The following NHSL1 variants were observed in gnomAD, a reference collection of about 807,000 sequenced individuals.
The protein encoded by NHSL1 is NHS-like protein 1.
Under a neutral mutation model 95.0 loss-of-function variants are expected in NHSL1, and 48 were observed. The ratio of observed to expected loss-of-function variants is 0.51; its 90% CI spans 0.40 to 0.64. The LOEUF (loss-of-function observed/expected upper bound fraction) is 0.64. Among genes scored for constraint, NHSL1 ranks in the 30% least tolerant of loss-of-function variants. The pLI, the probability that NHSL1 is intolerant of heterozygous loss-of-function variation, is 0.00. For missense variants in NHSL1, 1,971 were observed against 2,077.7 expected (o/e 0.95, Z 1.00); for synonymous variants, 783 against 833.9 (o/e 0.94, Z 1.05).
intron 1 of NHSL1, among the ~76,000 whole-genome samples, chr6:138,689,897 C>G (rs1785638924): frequency 6.6e-6 from 1 of 152,160 alleles, no homozygotes; most frequent in African/African-American, 2.4e-5. Context: ...ATCCGCCCAC[C>G]TTGGTCTCCC....
chr6:138,581,730 A>G (rs1031558455), intron 1 of NHSL1, among the ~76,000 whole-genome samples: 1 of 151,338 alleles, frequency 6.6e-6, no homozygotes, highest in Non-Finnish European at 1.5e-5. Flanking sequence ...TCAGGAAAAA[A>G]AGTCAAAGCA....
chr6:138,422,471 C>T lies in NHSL1; in HGVS notation c.*1610G>A, dbSNP rs1774980102. 1.3e-5 allele frequency: 2 copies of T among 152,010 alleles called. No homozygotes were observed. The highest frequency in any genetic ancestry group is 1.3e-4 in the Admixed American group (2 of 15,242). The allele number at this position is 152,010 out of a possible 1,614,324, so 9.4% of individuals were successfully genotyped here. On this transcript the variant is annotated 3_prime_UTR_variant, in exon 8 of 8. Transcript: ENST00000343505. ...TCATAATGATTTGACCCATGCAGTC[C>T]AACTTTTAGATAGTATTTCCATACC...
intron 1 of NHSL1, among the ~76,000 whole-genome samples, chr6:138,605,986 G>C (rs1429603931): frequency 3.9e-5 from 6 of 152,184 alleles, no homozygotes; most frequent in Non-Finnish European, 7.4e-5. Flanking sequence ...TCAACTATAG[G>C]AATAACTGGA....
chr6:138,460,041 T>G (rs1777887996), intron 3 of NHSL1, among the ~76,000 whole-genome samples: 1 of 152,144 alleles, frequency 6.6e-6, no homozygotes, highest in Non-Finnish European at 1.5e-5. Flanking sequence ...CTTTGCCAGG[T>G]TTTGGCATCA....
Position 138,424,208 on chromosome 6 carries a change from A to T in NHSL1, c.4694T>A (p.Leu1565Gln). 1 of 1,500,070 alleles carries T rather than the reference A, an allele frequency of 6.7e-7. No individual in the cohort carries two copies. Among genetic ancestry groups the T allele is most frequent in the Non-Finnish European group, 8.9e-7 (1 of 1,127,298 alleles). 92.9% of individuals were successfully genotyped at this position (1,500,070 alleles called of 1,614,324 possible). A position where few individuals can be genotyped will look rare whatever the true frequency, so the allele number is the denominator to read the frequency against. The change falls in exon 8 of 8, where the codon CTG becomes CAG. Residue 1565 changes from leucine to glutamine, a missense_variant. Leu to Gln is a moderately radical substitution (Grantham distance 113). Coordinates refer to ENST00000343505, the MANE Select transcript of NHSL1 (RefSeq NM_001144060.2). The surrounding 1 kb of genome is among the most constrained non-coding windows in gnomAD (Gnocchi z 5.9). ...GGCGGCAGGCCCCTCCCCACAGAGC[A>T]GGCCGCCCTCGTCCATCTCCTCCCT... ...LAREEMDEGG[L>Q]LCGEGPAASL...
At chr6:138,684,211 CAAA>C (rs34122069) in intron 1 of NHSL1, among the ~76,000 whole-genome samples, 12 of 129,862 alleles carry the variant, frequency 9.2e-5, no homozygotes, top group African/African-American at 1.4e-4. Flanking sequence ...GACTCCCTCT[CAAA>C]AAAAAAAAAA....
chr6:138,436,469 A>G (rs1776108227), intron 5 of NHSL1, among the ~76,000 whole-genome samples: 1 of 152,250 alleles, frequency 6.6e-6, no homozygotes, highest in Non-Finnish European at 1.5e-5. Context: ...TGAGGAAGCT[A>G]TAGAAGAAGA....
At chr6:138,435,972 C>T (rs1353325573) in intron 5 of NHSL1, among the ~76,000 whole-genome samples, 4 of 152,122 alleles carry the variant, frequency 2.6e-5, no homozygotes, top group Admixed American at 6.5e-5. Flanking sequence ...CATAAGATAG[C>T]AAATATAATT....
chr6:138,525,130 T>C (rs528256552), intron 1 of NHSL1, among the ~76,000 whole-genome samples: 82 of 152,228 alleles, frequency 5.4e-4, no homozygotes, highest in South Asian at 1.5e-3. Flanking sequence ...GTTGGATTTT[T>C]TACCTCTGTA....
At chr6:138,676,026 T>C (rs1785444244) in intron 1 of NHSL1, among the ~76,000 whole-genome samples, 1 of 152,192 alleles carries the variant, frequency 6.6e-6, no homozygotes, top group Non-Finnish European at 1.5e-5. Context: ...AAATTAGAGA[T>C]TACCGGCATA....
chr6:138,657,475 C>T (rs1429459159), intron 1 of NHSL1, among the ~76,000 whole-genome samples: 3 of 152,090 alleles, frequency 2.0e-5, no homozygotes, highest in Admixed American at 6.6e-5. Context: ...GGTGCTTCTA[C>T]AATATCCCTG....
intron 1 of NHSL1, among the ~76,000 whole-genome samples, chr6:138,667,485 C>T (rs373990556): frequency 5.9e-5 from 9 of 152,218 alleles, no homozygotes; most frequent in African/African-American, 9.6e-5. Flanking sequence ...TAAGGAGGAT[C>T]GCATAACCAT....
At chr6:138,582,638 G>A (rs1583433451) in intron 1 of NHSL1, among the ~76,000 whole-genome samples, 2 of 152,240 alleles carry the variant, frequency 1.3e-5, no homozygotes, top group South Asian at 4.2e-4. Flanking sequence ...ACTCTGCTGA[G>A]GGCCACTGCC....
At chr6:138,459,574 T>C (rs1777859682) in intron 3 of NHSL1, among the ~76,000 whole-genome samples, 1 of 152,184 alleles carries the variant, frequency 6.6e-6, no homozygotes, top group South Asian at 2.1e-4. Flanking sequence ...ACTTCTGCAC[T>C]TTTTACACTA....
intron 1 of NHSL1, among the ~76,000 whole-genome samples, chr6:138,673,843 C>T (rs888440627): frequency 1.3e-5 from 2 of 152,184 alleles, no homozygotes; most frequent in South Asian, 2.1e-4. Context: ...TTACCAAAAG[C>T]TTGCAGGGTT....
intron 1 of NHSL1, among the ~76,000 whole-genome samples, chr6:138,585,564 TC>T (rs1784122422): frequency 6.6e-6 from 1 of 151,930 alleles, no homozygotes; most frequent in Non-Finnish European, 1.5e-5. Flanking sequence ...AATTGAAAAC[TC>T]CAAATTTGGT....
chr6:138,559,572 T>C (rs1443718486), intron 1 of NHSL1, among the ~76,000 whole-genome samples: 3 of 152,186 alleles, frequency 2.0e-5, no homozygotes, highest in Non-Finnish European at 2.9e-5. Context: ...CTCAAAGTAC[T>C]CCTGGTATAC....
chr6:138,499,185 G>T, intron 1 of NHSL1, 48 bp downstream of exon 1: 2 of 1,242,018 alleles, frequency 1.6e-6, no homozygotes, highest in South Asian at 2.6e-5. Context: ...ATACACATAT[G>T]GAAACATATG....
rs979901538 is a variant in NHSL1, at chr6:138,633,040, G to A, written c.96+59436C>T. 2.0e-5 allele frequency among the ~76,000 whole-genome samples: 3 copies of A among 151,986 alleles called. No homozygotes were observed. In the East Asian group the frequency reaches 5.8e-4, roughly 29 times the overall value. ...TAAAAATAATCAAGCAGAAATTCTG[G>A]AGATAAAAAATGCAATTAGCCTACT... is the stretch of plus-strand genomic sequence containing the variant. On this transcript the variant is annotated intron_variant, in intron 1 of 3. Coordinates refer to the NHSL1 transcript ENST00000491526.
Sources: allele counts gnomAD v4.1 joint callset (sites outside exome capture counted in the v4.1 genomes callset), GRCh38; gene constraint gnomAD v4.1.1; non-coding constraint Gnocchi (gnomAD v3.1); transcripts MANE v1.5; gene names NCBI Gene and HGNC (gene_info 2026-07-23, HGNC 2026-07-21).